The following AIG1 variants were observed in gnomAD, a reference collection of about 807,000 sequenced individuals.
The protein encoded by AIG1 is androgen-induced gene 1 protein.
A neutral mutation model predicts 31.4 loss-of-function variants in AIG1; 23 were observed. The observed-to-expected ratio is 0.73, with a 90% CI of 0.53 to 1.04. The LOEUF (loss-of-function observed/expected upper bound fraction) is 1.04, where lower values mean the gene tolerates loss of function less well. AIG1 is among the 50% of genes least tolerant of loss of function. AIG1 has a pLI of 0.00. For synonymous variants in AIG1, 100 were observed against 110.5 expected (o/e 0.90, Z 0.60); for missense variants, 274 against 295.0 (o/e 0.93, Z 0.52).
chr6:143,168,261 A>AT (rs1357416854), intron 3 of AIG1, among the ~76,000 whole-genome samples: 1 of 151,526 alleles, frequency 6.6e-6, no homozygotes, highest in African/African-American at 2.4e-5. Context: ...TTTTTTTTTA[A>AT]TTTTTTAAAT....
intron 3 of AIG1, among the ~76,000 whole-genome samples, chr6:143,233,432 T>C (rs1475263140): frequency 1.3e-5 from 2 of 152,074 alleles, no homozygotes; most frequent in East Asian, 1.9e-4. Context: ...ACCCTGCTTA[T>C]GTATTGTTAA....
chr6:143,242,363 A>G (rs548588363), intron 3 of AIG1, among the ~76,000 whole-genome samples: 5 of 152,342 alleles, frequency 3.3e-5, no homozygotes, highest in Middle Eastern at 3.4e-3. Flanking sequence ...AATAACAACC[A>G]TAATAATAAA....
At chr6:143,319,079 G>A (rs941890048) in intron 4 of AIG1, among the ~76,000 whole-genome samples, 2 of 152,100 alleles carry the variant, frequency 1.3e-5, no homozygotes, top group Non-Finnish European at 2.9e-5. Flanking sequence ...ATTCTTTAAA[G>A]AACTAAAAGT....
At chr6:143,107,958 C>G (rs1439459702) in intron 1 of AIG1, among the ~76,000 whole-genome samples, 1 of 152,170 alleles carries the variant, frequency 6.6e-6, no homozygotes. Context: ...TTACATAAGA[C>G]TTTCTCTGGA....
intron 3 of AIG1, among the ~76,000 whole-genome samples, chr6:143,245,606 A>T (rs1794566287): frequency 6.6e-6 from 1 of 152,204 alleles, no homozygotes; most frequent in Admixed American, 6.5e-5. Context: ...AGAAATAAAC[A>T]AGTTTGGGAT....
chr6:143,326,204 C>T lies in AIG1; in HGVS notation c.516-7078C>T, dbSNP rs1014587659. 3.9e-5 allele frequency among the ~76,000 whole-genome samples: 6 copies of T among 152,184 alleles called. No individual in the cohort carries two copies. The highest frequency in any genetic ancestry group is 1.4e-4 in the African/African-American group (6 of 41,430). On this transcript the variant is annotated intron_variant, in intron 4 of 5. Coordinates refer to ENST00000357847, the MANE Select transcript of AIG1 (RefSeq NM_016108.4). This position sits in a 1 kb window ranked among gnomAD's most constrained non-coding sequence, Gnocchi z 4.5. Reference sequence around the variant, plus strand: ...AAGACTTTATATTTGCACACTAGGACGGAGTCTACAATTCTTACCATGGCT... The same window carrying T: ...AAGACTTTATATTTGCACACTAGGATGGAGTCTACAATTCTTACCATGGCT...
At position 143,222,044 on chromosome 6, in the gene AIG1, T is replaced by A. The variant is rs569084159; in HGVS notation, c.399+56861T>A. Among the ~76,000 whole-genome samples, 8 of 152,354 alleles carry A rather than the reference T, an allele frequency of 5.3e-5. No homozygotes were observed. In the East Asian group the frequency reaches 1.2e-3, roughly 22 times the overall value. ...AACACCCCAGCAGTTCCTCGACTCCTGAGAGCTTTGATTCCTCATTTATAC... is the reference window on the plus strand; with the variant it reads ...AACACCCCAGCAGTTCCTCGACTCCAGAGAGCTTTGATTCCTCATTTATAC... On this transcript the variant is annotated intron_variant, in intron 3 of 5. Coordinates refer to ENST00000357847, the MANE Select transcript of AIG1 (RefSeq NM_016108.4).
chr6:143,060,815 CCCCGCG>C (rs1352853781), upstream of AIG1: 8 of 198,594 alleles, frequency 4.0e-5, no homozygotes, highest in East Asian at 2.3e-4. Flanking sequence ...CCCCGCCCCG[CCCCGCG>C]CCCGCGCCCG....
intron 3 of AIG1, among the ~76,000 whole-genome samples, chr6:143,264,343 G>A (rs1038002739): frequency 9.2e-5 from 14 of 152,088 alleles, no homozygotes; most frequent in Admixed American, 6.5e-5. Context: ...TAACTTGTGG[G>A]GCAGTGGGAA....
At chr6:143,302,133 T>C (rs2128698348) in intron 4 of AIG1, among the ~76,000 whole-genome samples, 2 of 152,190 alleles carry the variant, frequency 1.3e-5, no homozygotes, top group African/African-American at 4.8e-5. Flanking sequence ...ATAAAAACTA[T>C]GGAAGAAAAG....
chr6:143,188,215 A>G (rs574852065), intron 3 of AIG1: 1 of 990,590 alleles, frequency 1.0e-6, no homozygotes, highest in East Asian at 1.1e-4. Flanking sequence ...TATGATTTAG[A>G]CTCTAGGAGA....
chr6:143,227,106 C>T (rs1017949122), intron 3 of AIG1, among the ~76,000 whole-genome samples: 2 of 151,776 alleles, frequency 1.3e-5, no homozygotes, highest in East Asian at 1.9e-4. Flanking sequence ...GATTGGACAC[C>T]CATGTCCTAA....
At chr6:143,242,771 G>A (rs1204827009) in intron 3 of AIG1, among the ~76,000 whole-genome samples, 1 of 152,174 alleles carries the variant, frequency 6.6e-6, no homozygotes, top group Non-Finnish European at 1.5e-5. Flanking sequence ...GATAAACTTA[G>A]CACCCATTAG....
chr6:143,136,531 T>C (rs1162413212), intron 1 of AIG1, among the ~76,000 whole-genome samples: 1 of 152,204 alleles, frequency 6.6e-6, no homozygotes, highest in African/African-American at 2.4e-5. Context: ...TGCTTTAAAA[T>C]AATGGCCCTG....
intron 3 of AIG1, among the ~76,000 whole-genome samples, chr6:143,212,624 G>A (rs1020934153): frequency 6.6e-6 from 1 of 152,094 alleles, no homozygotes; most frequent in Admixed American, 6.5e-5. Flanking sequence ...ACTTCATTCA[G>A]GCCTTCAAAC....
chr6:143,091,685 G>A (rs1017951415), intron 1 of AIG1, among the ~76,000 whole-genome samples: 2 of 152,186 alleles, frequency 1.3e-5, no homozygotes, highest in Non-Finnish European at 2.9e-5. Flanking sequence ...CATAGCTATA[G>A]AAATGGCTCT....
intron 1 of AIG1, among the ~76,000 whole-genome samples, chr6:143,088,578 A>G (rs1453035945): frequency 1.3e-5 from 2 of 152,154 alleles, no homozygotes; most frequent in Non-Finnish European, 1.5e-5. Flanking sequence ...CTAGGCCTGG[A>G]GCTTTGACCT....
At chr6:143,184,867 GA>G (rs1298431782) in intron 3 of AIG1, among the ~76,000 whole-genome samples, 5 of 152,154 alleles carry the variant, frequency 3.3e-5, no homozygotes, top group African/African-American at 1.2e-4. Context: ...CAGCTAAAGA[GA>G]AGCTAGGACA....
intron 4 of AIG1, among the ~76,000 whole-genome samples, chr6:143,300,968 C>CT (rs1199707130): frequency 2.6e-5 from 4 of 151,794 alleles, no homozygotes; most frequent in East Asian, 1.9e-4. Context: ...TTATTTATTT[C>CT]TTTTTTTTGA....
Sources: gnomAD v4.1 joint callset for allele counts (sites outside exome capture counted in the v4.1 genomes callset) on GRCh38, gnomAD v4.1.1 for gene constraint, Gnocchi (gnomAD v3.1) non-coding constraint, MANE v1.5 for transcripts, NCBI Gene and HGNC (gene_info 2026-07-23, HGNC 2026-07-21) for gene names.